The following TRIM25 variants were observed in gnomAD, a reference collection of about 807,000 sequenced individuals.
TRIM25 encodes E3 ubiquitin/ISG15 ligase TRIM25.
In TRIM25, 45 loss-of-function variants were observed where a neutral mutation model predicts 65.2. That is an observed-to-expected ratio of 0.69 (90% CI 0.54 to 0.89). The LOEUF (loss-of-function observed/expected upper bound fraction) is 0.89, where lower values mean the gene tolerates loss of function less well. Among genes scored for constraint, TRIM25 ranks in the 40% least tolerant of loss-of-function variants. The pLI, the probability that TRIM25 is intolerant of heterozygous loss-of-function variation, is 0.00. For synonymous variants in TRIM25, 321 were observed against 340.4 expected (o/e 0.94, Z 0.63); for missense variants, 714 against 803.7 (o/e 0.89, Z 1.35).
chr17:56,910,796 C>T (rs796803783), intron 1 of TRIM25, among the ~76,000 whole-genome samples: 5 of 152,334 alleles, frequency 3.3e-5, no homozygotes, highest in African/African-American at 7.2e-5. Context: ...TCCGACCCCA[C>T]CAGTGGCCAA....
rs768696162 is a variant in TRIM25, at chr17:56,899,122, C to T, written c.1146G>A (p.Lys382=). 11 of 1,614,006 alleles carry T rather than the reference C, an allele frequency of 6.8e-6. No individual in the cohort carries two copies. The African/African-American group carries it at 1.3e-4, about 20-fold the overall frequency. Residue 382 remains lysine, a synonymous_variant, in exon 5 of 9, where the codon AAG becomes AAA. Transcript: ENST00000316881. The part of the protein sequence containing the change: ...STHKSTRPVK[K]VSKEEKKSKK... Reference sequence around the variant, plus strand: ...AGGGGTGGGGCTACTTACTGGAGACCTTCTTCACAGGGCGTGTGGATTTGT... The same window carrying T: ...AGGGGTGGGGCTACTTACTGGAGACTTTCTTCACAGGGCGTGTGGATTTGT...
At chr17:56,893,969 C>A (rs1025758658) in intron 8 of TRIM25, among the ~76,000 whole-genome samples, 4 of 152,186 alleles carry the variant, frequency 2.6e-5, no homozygotes, top group African/African-American at 9.7e-5. Context: ...CCCACCTCGG[C>A]CCCACATTGC....
At chr17:56,895,313 G>A (rs775016602) in intron 8 of TRIM25, 30 bp downstream of exon 8, 1 of 1,582,260 alleles carries the variant, frequency 6.3e-7, no homozygotes, top group Admixed American at 1.7e-5. Flanking sequence ...AGAACCAGTG[G>A]AACCGCGCAC....
At chr17:56,896,464 G>A (rs1011262446) in intron 5 of TRIM25, among the ~76,000 whole-genome samples, 3 of 151,356 alleles carry the variant, frequency 2.0e-5, no homozygotes, top group Non-Finnish European at 4.4e-5. Context: ...AACTAGCATG[G>A]GCAACATGGG....
rs763591336 is a variant in TRIM25, at chr17:56,913,540, C to T, written c.449G>A (p.Arg150His). The change falls in exon 1 of 9, where the codon CGC becomes CAC. Residue 150 changes from arginine (R) to histidine (H), a missense_variant. Physicochemically the swap from Arg to His is conservative, Grantham distance 29 (BLOSUM62 0). This residue lies in a region of TRIM25 where 291 missense variants were observed against 281.8 expected (regional missense o/e 1.03). Transcript: ENST00000316881. The surrounding 1 kb of genome is among the most constrained non-coding windows in gnomAD (Gnocchi z 6.1). ...GGAACATTTGCGGCGCAACAGGTCGCGAACGGGCGGCTGCAGCGGGTGGTC... is the reference window on the plus strand; with the variant it reads ...GGAACATTTGCGGCGCAACAGGTCGTGAACGGGCGGCTGCAGCGGGTGGTC... ...FQDHPLQPPV[R>H]DLLRRKCSQH... is the part of the protein sequence containing the mutation. 6.2e-7 allele frequency: 1 copy of T among 1,613,738 alleles called. No homozygotes were observed. The highest frequency in any genetic ancestry group is 1.1e-5 in the South Asian group (1 of 91,040).
In TRIM25 at chr17:56,895,347, C is replaced by T; in HGVS notation, c.1359G>A (p.Leu453=). 1.9e-6 allele frequency: 3 copies of T among 1,613,790 alleles called. No homozygotes were observed. In the African/African-American group the frequency reaches 4.0e-5, roughly 22 times the overall value. The change falls in exon 8 of 9, where the codon CTG becomes CTA. Residue 453 remains leucine (L), a synonymous_variant. Coordinates refer to ENST00000316881, the MANE Select transcript of TRIM25 (RefSeq NM_005082.5). ...ACCAGCCCCGAAGCTACTCACACTC[C>T]AGGAGCTCAGGTCTGGACTTGGCCA... ...TFLAKSRPEL[L]EYYIKVILDY... is the part of the protein sequence containing the mutation.
At chr17:56,908,033 T>C (rs1048245255) in intron 2 of TRIM25, among the ~76,000 whole-genome samples, 4 of 152,226 alleles carry the variant, frequency 2.6e-5, no homozygotes, top group African/African-American at 9.6e-5. Context: ...ATTTTGGACT[T>C]CTGGCCTCCA....
chr17:56,892,415 A>G (rs185095540), intron 8 of TRIM25, among the ~76,000 whole-genome samples, 186 bp from the exon 9 acceptor site: 3 of 152,152 alleles, frequency 2.0e-5, no homozygotes, highest in Admixed American at 6.5e-5. Context: ...CTATCCATGT[A>G]TCCATCAATC....
At position 56,899,464 on chromosome 17, in the gene TRIM25, C is replaced by T. The variant is rs566163483; in HGVS notation, c.1088-284G>A. Among the ~76,000 whole-genome samples the T allele has an allele frequency of 5.9e-5, 9 of 152,308 alleles. No homozygotes were observed. The East Asian group carries it at 9.6e-4, about 16-fold the overall frequency. ...AGACTTCTCTGAGCTTTGGTTTCTT[C>T]GAGCACACAATGGGGATGACTTCAC... is the stretch of plus-strand genomic sequence containing the variant. On this transcript the variant is annotated intron_variant, in intron 4 of 8. Coordinates refer to ENST00000316881, the MANE Select transcript of TRIM25 (RefSeq NM_005082.5).
rs1276936078 is a variant in TRIM25 at position 56,913,828 on chromosome 17, C to T, written c.161G>A (p.Arg54His). The T allele has an allele frequency of 1.3e-6, 2 of 1,561,762 alleles. No homozygotes were observed. The highest frequency in any genetic ancestry group is 1.7e-6 in the Non-Finnish European group (2 of 1,153,356). ...QGSPYLCPQC[R>H]AVYQARPQLH... ...CTGCGGTCGCGCCTGGTAGACGGCG[C>T]GGCACTGCGGGCACAGGTATGGCGA... Residue 54 changes from arginine to histidine, a missense_variant, in exon 1 of 9, where the codon CGC becomes CAC. Coordinates refer to ENST00000316881, the MANE Select transcript of TRIM25 (RefSeq NM_005082.5). The surrounding 1 kb of genome is among the most constrained non-coding windows in gnomAD (Gnocchi z 6.1).
In TRIM25 at chr17:56,913,954, G is replaced by C. The variant is rs1598081952; in HGVS notation, c.35C>G (p.Ser12Trp). 6.3e-7 allele frequency: 1 copy of C among 1,583,692 alleles called. No homozygotes were observed. Among genetic ancestry groups the C allele is most frequent in the Non-Finnish European group, 8.6e-7 (1 of 1,164,046 alleles). ...GAAGGGCTCCAGGCAGATGGAGCAC[G>C]ACAGCTCCTCGGCCAGGGGGCACAG... ...AELCPLAEEL[S>W]CSICLEPFKE... is the part of the protein sequence containing the mutation. The change falls in exon 1 of 9, where the codon TCG becomes TGG. Residue 12 changes from serine (S) to tryptophan (W), a missense_variant. Coordinates refer to ENST00000316881, the MANE Select transcript of TRIM25 (RefSeq NM_005082.5). This position sits in a 1 kb window ranked among gnomAD's most constrained non-coding sequence, Gnocchi z 6.1.
At position 56,889,944 on chromosome 17, in the gene TRIM25, G is replaced by A. The variant is rs930320757; in HGVS notation, c.*1756C>T. On this transcript the variant is annotated 3_prime_UTR_variant, in exon 9 of 9. Coordinates refer to ENST00000316881, the MANE Select transcript of TRIM25 (RefSeq NM_005082.5). Reference sequence around the variant, plus strand: ...TTCCTACAAAGATTATTGCTCTCCCGAGGAACTGAAAATCCTTGTTAGGAG... The same window carrying A: ...TTCCTACAAAGATTATTGCTCTCCCAAGGAACTGAAAATCCTTGTTAGGAG... 1.3e-5 allele frequency: 5 copies of A among 398,284 alleles called. No individual in the cohort carries two copies. The highest frequency in any genetic ancestry group is 4.4e-5 in the Admixed American group (1 of 22,796). The allele number at this position is 398,284 out of a possible 1,614,324, so 24.7% of individuals were successfully genotyped here. A position where few individuals can be genotyped will look rare whatever the true frequency, so the allele number is the denominator to read the frequency against.
At chr17:56,898,317 T>C (rs549223076) in intron 5 of TRIM25, among the ~76,000 whole-genome samples, 1 of 150,124 alleles carries the variant, frequency 6.7e-6, no homozygotes. Flanking sequence ...GACATCTCAG[T>C]GGTATATGGA....
chr17:56,901,517 T>G lies in TRIM25; in HGVS notation c.989A>C (p.Asn330Thr). The change falls in exon 4 of 9, where the codon AAC becomes ACC. Residue 330 changes from asparagine to threonine, a missense_variant. Around this residue, in one of 3 missense-constraint regions of TRIM25, gnomAD observed 413 missense variants for 498.2 expected, o/e 0.83. Transcript: ENST00000316881. ...GTGGATGCCTTTTATCAGCTTGTGG[T>G]TCAGTTCCACCTCGGGGATGTAGAC... The part of the protein sequence containing the change: ...KPVYIPEVEL[N>T]HKLIKGIHQS... 6.2e-7 allele frequency: 1 copy of G among 1,614,154 alleles called. No individual in the cohort carries two copies. Among genetic ancestry groups the G allele is most frequent in the Non-Finnish European group, 8.5e-7 (1 of 1,180,032 alleles).
chr17:56,906,401 A>C (rs1271001107), intron 2 of TRIM25, among the ~76,000 whole-genome samples: 1 of 152,244 alleles, frequency 6.6e-6, no homozygotes, highest in Non-Finnish European at 1.5e-5. Context: ...CAGAAAACAG[A>C]CTAAGACAAT....
intron 1 of TRIM25, among the ~76,000 whole-genome samples, chr17:56,909,172 T>C (rs896645629): frequency 6.6e-6 from 1 of 151,654 alleles, no homozygotes; most frequent in African/African-American, 2.4e-5. Context: ...TGCTAAAAGA[T>C]GCTGGAGAGC....
At chr17:56,904,577 G>C in intron 2 of TRIM25, 89 bp from the exon 3 acceptor site, 1 of 1,215,082 alleles carries the variant, frequency 8.2e-7, no homozygotes, top group South Asian at 1.3e-5. Context: ...TGGAGTTCCA[G>C]GAACTCTTAC....
chr17:56,900,030 G>C (rs1433999551), intron 4 of TRIM25, among the ~76,000 whole-genome samples: 1 of 152,122 alleles, frequency 6.6e-6, no homozygotes, highest in East Asian at 1.9e-4. Flanking sequence ...CCTGACCAAA[G>C]TAGTGAAACC....
intron 5 of TRIM25, among the ~76,000 whole-genome samples, chr17:56,897,029 C>T (rs1909308036): frequency 6.6e-6 from 1 of 152,192 alleles, no homozygotes; most frequent in Non-Finnish European, 1.5e-5. Flanking sequence ...AGGAGGATCA[C>T]TTGAGCCCAG....
Sources: allele counts gnomAD v4.1 joint callset (sites outside exome capture counted in the v4.1 genomes callset), GRCh38; gene constraint gnomAD v4.1.1; regional missense constraint gnomAD v4.1.1; non-coding constraint Gnocchi (gnomAD v3.1); transcripts MANE v1.5; gene names NCBI Gene and HGNC (gene_info 2026-07-23, HGNC 2026-07-21).